Variants in GRIN1 observed in about 807,000 individuals in gnomAD.
GRIN1 encodes the protein glutamate receptor ionotropic, NMDA 1.
In GRIN1, 38 loss-of-function variants were observed where a neutral mutation model predicts 103.0. That is an observed-to-expected ratio of 0.37 (90% CI 0.28 to 0.48). The LOEUF (loss-of-function observed/expected upper bound fraction) is 0.48. Ranked by LOEUF, GRIN1 falls within the 20% of genes least tolerant of loss-of-function variation. The pLI is 0.98. For missense variants in GRIN1, 577 were observed against 1,288.9 expected, an observed-to-expected ratio of 0.45 and a Z score of 8.46; for synonymous variants, 544 against 532.7, an observed-to-expected ratio of 1.02 and a Z score of -0.29.
At chr9:137,142,337 T>C (rs1347690714) in intron 2 of GRIN1, among the ~76,000 whole-genome samples, 190 bp downstream of exon 2, 2 of 152,212 alleles carry the variant, frequency 1.3e-5, no homozygotes, top group Non-Finnish European at 2.9e-5. Flanking sequence ...CATGCTCACA[T>C]GCACACTCAT....
chr9:137,161,780 C>T, intron 10 of GRIN1, 144 bp from the exon 11 acceptor site: 2 of 832,714 alleles, frequency 2.4e-6, no homozygotes, highest in Non-Finnish European at 3.8e-6. Flanking sequence ...CAGGGCGGGG[C>T]TGGAGTGGGG....
intron 4 of GRIN1, among the ~76,000 whole-genome samples, chr9:137,151,533 C>T (rs148083599): frequency 1.7e-3 from 252 of 151,228 alleles, no homozygotes; most frequent in Non-Finnish European, 2.4e-3. Context: ...GAGAAATTCC[C>T]ACTCAGAGAA....
chr9:137,141,601 G>A lies in GRIN1; in HGVS notation c.259-412G>A, dbSNP rs530508183. ...CCTTCAGAGCTGCCCGCCCTGTCTC[G>A]GGATGTGGGCTGGCCCCACCCCTGG... On this transcript the variant is annotated intron_variant, in intron 1 of 19. Coordinates refer to ENST00000371561, the MANE Select transcript of GRIN1 (RefSeq NM_007327.4). Among the ~76,000 whole-genome samples the A allele has an allele frequency of 7.2e-5, 11 of 152,290 alleles. No individual in the cohort carries two copies. The South Asian group carries it at 2.1e-3, about 29-fold the overall frequency.
intron 4 of GRIN1, among the ~76,000 whole-genome samples, chr9:137,156,088 A>G (rs534108615): frequency 2.6e-5 from 4 of 152,164 alleles, no homozygotes; most frequent in African/African-American, 4.8e-5. Context: ...TCTGCCACTT[A>G]CCAACTCTTG....
intron 19 of GRIN1, 109 bp from the exon 20 acceptor site, chr9:137,167,302 G>A (rs1833933020): frequency 1.2e-6 from 1 of 841,860 alleles, no homozygotes; most frequent in Non-Finnish European, 2.0e-6. Flanking sequence ...GAGATCCCCT[G>A]CCCCTGTCCT....
intron 15 of GRIN1, 24 bp from the exon 16 acceptor site, chr9:137,163,145 C>T (rs770973593): frequency 6.2e-7 from 1 of 1,611,198 alleles, no homozygotes; most frequent in South Asian, 1.1e-5. Context: ...ACCAAGGCCC[C>T]CGTGACTCCG....
In GRIN1 at chr9:137,168,505, G is replaced by A; in HGVS notation, c.*978G>A. On this transcript the variant is annotated 3_prime_UTR_variant, in exon 20 of 20. Coordinates refer to ENST00000371561, the MANE Select transcript of GRIN1 (RefSeq NM_007327.4). ...CGGGGGTCCCCGGACGCTGGCTCGG[G>A]ACTGTCTTCAACCCTGCCCTGCACC... 4.6e-6 allele frequency: 1 copy of A among 215,384 alleles called. No homozygotes were observed. Among genetic ancestry groups the A allele is most frequent in the Non-Finnish European group, 9.0e-6 (1 of 110,848 alleles). The allele number at this position is 215,384 out of a possible 1,614,324, so 13.3% of individuals were successfully genotyped here. A position where few individuals can be genotyped will look rare whatever the true frequency, so the allele number is the denominator to read the frequency against.
chr9:137,167,463 C>T lies in GRIN1; in HGVS notation c.2753C>T (p.Pro918Leu), dbSNP rs1446653624. 6.4e-7 allele frequency: 1 copy of T among 1,559,970 alleles called. No individual in the cohort carries two copies. Among genetic ancestry groups the T allele is most frequent in the Non-Finnish European group, 8.7e-7 (1 of 1,152,030 alleles). The part of the protein sequence containing the change: ...ALQNQKDTVL[P>L]RRAIEREEGQ... Reference sequence around the variant, plus strand: ...CAAAACCAAAAAGACACAGTGCTGCCGCGACGCGCTATTGAGAGGGAGGAG... The same window carrying T: ...CAAAACCAAAAAGACACAGTGCTGCTGCGACGCGCTATTGAGAGGGAGGAG... Residue 918 changes from proline to leucine, a missense_variant, in exon 20 of 20, where the codon CCG becomes CTG. Pro to Leu is a moderately conservative substitution (Grantham distance 98). Around this residue, in one of 9 missense-constraint regions of GRIN1, gnomAD observed 68 missense variants for 113.0 expected, o/e 0.60. Transcript: ENST00000371561.
In GRIN1 at chr9:137,167,725, C is replaced by G. The variant is rs940677524; in HGVS notation, c.*198C>G. On this transcript the variant is annotated 3_prime_UTR_variant, in exon 20 of 20. Transcript: ENST00000371561. ...ACCCCGTCCCGGCCCCGCGCGTGCC[C>G]CCAGCGTGGGGCTAACGGGCGCCTT... 2 of 1,609,632 alleles carry G rather than the reference C, an allele frequency of 1.2e-6. No individual in the cohort carries two copies. Among genetic ancestry groups the G allele is most frequent in the African/African-American group, 1.3e-5 (1 of 74,760 alleles).
rs1020125878 is a variant in GRIN1 at position 137,146,836 on chromosome 9, C to A, written c.570+934C>A. On this transcript the variant is annotated intron_variant, in intron 3 of 19. Transcript: ENST00000371561. The surrounding 1 kb of genome is among the most constrained non-coding windows in gnomAD (Gnocchi z 6.7). ...GGACTTAGGGCCAACCTAGCACCCC[C>A]CAAGGCACCCCAGGCCCCGGGAGGG... Among the ~76,000 whole-genome samples the A allele has an allele frequency of 3.3e-5, 5 of 152,146 alleles. No homozygotes were observed. Among genetic ancestry groups the A allele is most frequent in the Middle Eastern group, 3.2e-3 (1 of 316 alleles).
intron 4 of GRIN1, among the ~76,000 whole-genome samples, chr9:137,149,476 G>A (rs1832719344): frequency 6.6e-6 from 1 of 152,246 alleles, no homozygotes; most frequent in South Asian, 2.1e-4. Context: ...CTAGGCCCAG[G>A]GAAGTGATGT....
At chr9:137,152,624 G>A (rs905528260) in intron 4 of GRIN1, among the ~76,000 whole-genome samples, 6 of 152,064 alleles carry the variant, frequency 3.9e-5, no homozygotes, top group Non-Finnish European at 8.8e-5. Flanking sequence ...CGTGCACTGC[G>A]GTCCCACAGG....
chr9:137,148,986 T>C, intron 3 of GRIN1, 23 bp from the exon 4 acceptor site: 1 of 1,569,176 alleles, frequency 6.4e-7, no homozygotes, highest in Non-Finnish European at 8.8e-7. Flanking sequence ...AGCCGCCTGC[T>C]AACACTCTTG....
Position 137,144,383 on chromosome 9 carries a change from G to A in GRIN1, c.394-1343G>A, listed in dbSNP as rs370843059. On this transcript the variant is annotated intron_variant, in intron 2 of 19. Transcript: ENST00000371561. Reference sequence around the variant, plus strand: ...AAGTGTCCCCAGGTTGGCCGGGCGCGGTGGCTCACGCCTGTAATCCCAGCA... The same window carrying A: ...AAGTGTCCCCAGGTTGGCCGGGCGCAGTGGCTCACGCCTGTAATCCCAGCA... Among the ~76,000 whole-genome samples the A allele has an allele frequency of 8.6e-4, 131 of 151,694 alleles. 1 individual carries two copies. In the East Asian group the frequency reaches 0.014, roughly 16 times the overall value.
intron 4 of GRIN1, among the ~76,000 whole-genome samples, chr9:137,152,610 G>C (rs570912070): frequency 1.3e-5 from 2 of 152,194 alleles, no homozygotes; most frequent in South Asian, 4.1e-4. Context: ...GTGAGCCCCT[G>C]AGCCGTGCAC....
At chr9:137,142,988 TG>T (rs1385886124) in intron 2 of GRIN1, among the ~76,000 whole-genome samples, 1 of 152,190 alleles carries the variant, frequency 6.6e-6, no homozygotes, top group African/African-American at 2.4e-5. Flanking sequence ...CAGAGAGCCA[TG>T]GGGGCTTGCT....
chr9:137,165,439 GC>G (rs1006575888), intron 19 of GRIN1, 143 bp downstream of exon 19: 1 of 692,964 alleles, frequency 1.4e-6, no homozygotes, highest in Non-Finnish European at 2.6e-6. Context: ...GCTCTGCCCA[GC>G]CCGCCCATGC....
intron 1 of GRIN1, 66 bp from the exon 2 acceptor site, chr9:137,141,947 C>A: frequency 6.3e-7 from 1 of 1,576,932 alleles, no homozygotes; most frequent in East Asian, 2.2e-5. Context: ...GCTTCCAGAT[C>A]TCAGCCTCTA....
Position 137,146,884 on chromosome 9 carries a change from T to A in GRIN1, c.570+982T>A, listed in dbSNP as rs1217066453. Among the ~76,000 whole-genome samples the A allele has an allele frequency of 6.6e-6, 1 of 151,394 alleles. No individual in the cohort carries two copies. The highest frequency in any genetic ancestry group is 2.4e-5 in the African/African-American group (1 of 41,162). ...GGGACCAGAGGGCATGGGTCGGGGG[T>A]AAAGCCAGGGGCAGACCAGAGGGTC... On this transcript the variant is annotated intron_variant, in intron 3 of 19. Transcript: ENST00000371561. The surrounding 1 kb of genome is among the most constrained non-coding windows in gnomAD (Gnocchi z 6.7).
Sources: allele counts gnomAD v4.1 joint callset (sites outside exome capture counted in the v4.1 genomes callset), GRCh38; gene constraint gnomAD v4.1.1; regional missense constraint gnomAD v4.1.1; non-coding constraint Gnocchi (gnomAD v3.1); transcripts MANE v1.5; gene names NCBI Gene and HGNC (gene_info 2026-07-23, HGNC 2026-07-21).